Variants in SYNPR observed in about 807,000 individuals in gnomAD.
SYNPR encodes the protein synaptoporin.
Under a neutral mutation model 32.9 loss-of-function variants are expected in SYNPR, and 23 were observed. That is an observed-to-expected ratio of 0.70 (90% CI 0.50 to 0.99). SYNPR has a LOEUF of 0.99. SYNPR is among the 50% of genes least tolerant of loss of function. The pLI, the probability that SYNPR is intolerant of heterozygous loss-of-function variation, is 0.00. For missense variants in SYNPR, 318 were observed against 349.3 expected (o/e 0.91, Z 0.71); for synonymous variants, 146 against 135.9 (o/e 1.07, Z -0.52).
At chr3:63,204,110 T>C in the SYNPR span, among the ~76,000 whole-genome samples, 13 of 152,178 alleles carry the variant, frequency 8.5e-5, no homozygotes, top group African/African-American at 2.7e-4. Context: ...CTCTCCAACC[T>C]GGTTTAACAT....
chr3:63,203,768 G>T, the SYNPR span, among the ~76,000 whole-genome samples: 2 of 152,236 alleles, frequency 1.3e-5, no homozygotes, highest in East Asian at 3.9e-4. Flanking sequence ...AGGCCAAGGT[G>T]GGCGGATCAC....
At chr3:63,264,616 T>TG (rs1317553849) in intron 2 of SYNPR, among the ~76,000 whole-genome samples, 6 of 152,182 alleles carry the variant, frequency 3.9e-5, no homozygotes, top group African/African-American at 1.2e-4. Context: ...GTGAAGTAAG[T>TG]GGTAGCCTGA....
At chr3:63,346,159 T>C (rs569039729) in intron 2 of SYNPR, among the ~76,000 whole-genome samples, 1 of 152,314 alleles carries the variant, frequency 6.6e-6, no homozygotes, top group African/African-American at 2.4e-5. Context: ...ATTTTGTTTT[T>C]ATCATTAGAG....
At chr3:63,311,134 T>G (rs2086959402) in intron 2 of SYNPR, among the ~76,000 whole-genome samples, 1 of 152,002 alleles carries the variant, frequency 6.6e-6, no homozygotes, top group African/African-American at 2.4e-5. Flanking sequence ...AATAATCTAT[T>G]TGCTTTCTGG....
chr3:63,492,004 C>T (rs1300854218), intron 3 of SYNPR, among the ~76,000 whole-genome samples: 7 of 152,006 alleles, frequency 4.6e-5, no homozygotes, highest in Non-Finnish European at 1.0e-4. Flanking sequence ...CAAGGTGGAA[C>T]CTGTCTATCA....
At chr3:63,306,870 T>G (rs1027198792) in intron 2 of SYNPR, among the ~76,000 whole-genome samples, 10 of 152,006 alleles carry the variant, frequency 6.6e-5, no homozygotes, top group African/African-American at 2.4e-4. Flanking sequence ...GCTTTGCCTT[T>G]TTTTTCAACT....
intron 2 of SYNPR, among the ~76,000 whole-genome samples, chr3:63,328,992 C>A (rs1436409673): frequency 6.6e-6 from 1 of 152,058 alleles, no homozygotes; most frequent in Non-Finnish European, 1.5e-5. Flanking sequence ...TCAAATCTAG[C>A]CTGAGAGTTA....
chr3:63,229,526 T>A (rs1465767599), intron 1 of SYNPR, among the ~76,000 whole-genome samples: 1 of 152,166 alleles, frequency 6.6e-6, no homozygotes, highest in Non-Finnish European at 1.5e-5. Flanking sequence ...TTTTGCAATG[T>A]ACACAGTTGC....
At chr3:63,504,190 G>A (rs1362919214) in intron 3 of SYNPR, among the ~76,000 whole-genome samples, 4 of 152,044 alleles carry the variant, frequency 2.6e-5, no homozygotes, top group African/African-American at 9.7e-5. Context: ...GCATCCACAT[G>A]TAGGTCTGAC....
intron 2 of SYNPR, among the ~76,000 whole-genome samples, chr3:63,457,971 C>T (rs965873455): frequency 2.0e-5 from 3 of 152,210 alleles, no homozygotes; most frequent in Non-Finnish European, 2.9e-5. Flanking sequence ...TAACCCTCTT[C>T]TTTTGAATTA....
At chr3:63,493,837 A>AAAAT (rs1701304569) in intron 3 of SYNPR, among the ~76,000 whole-genome samples, 1 of 150,526 alleles carries the variant, frequency 6.6e-6, no homozygotes, top group African/African-American at 2.4e-5. Context: ...AAAAAAAAAA[A>AAAAT]TGGAGATTCC....
At chr3:63,261,006 C>T (rs567642664) in intron 2 of SYNPR, among the ~76,000 whole-genome samples, 25 of 152,252 alleles carry the variant, frequency 1.6e-4, no homozygotes, top group African/African-American at 5.8e-4. Context: ...CAAATCAAAA[C>T]CACAATGAGA....
chr3:63,360,233 T>G (rs2087638307), intron 2 of SYNPR, among the ~76,000 whole-genome samples: 1 of 152,178 alleles, frequency 6.6e-6, no homozygotes, highest in Non-Finnish European at 1.5e-5. Flanking sequence ...TTCACTCTCT[T>G]TTTCTCACAC....
At chr3:63,354,336 G>C (rs1039061916) in intron 2 of SYNPR, among the ~76,000 whole-genome samples, 1 of 152,160 alleles carries the variant, frequency 6.6e-6, no homozygotes, top group Non-Finnish European at 1.5e-5. Context: ...CAGTGGATCC[G>C]TCCACATCAT....
intron 3 of SYNPR, among the ~76,000 whole-genome samples, chr3:63,494,468 C>CACGTATATAT (rs1559516444): frequency 2.8e-4 from 24 of 84,732 alleles, no homozygotes; most frequent in African/African-American, 1.2e-3. Context: ...TACATATATA[C>CACGTATATAT]ACATATATAC....
At chr3:63,512,039 GAC>G (rs550656243) in intron 3 of SYNPR, among the ~76,000 whole-genome samples, 29 of 152,112 alleles carry the variant, frequency 1.9e-4, no homozygotes, top group African/African-American at 6.5e-4. Context: ...TACTGACACA[GAC>G]ACACATACAC....
At chr3:63,312,204 T>C (rs971410230) in intron 2 of SYNPR, among the ~76,000 whole-genome samples, 15 of 152,228 alleles carry the variant, frequency 9.9e-5, no homozygotes, top group African/African-American at 3.6e-4. Flanking sequence ...TGACATGTTG[T>C]TGAATTTTCT....
At chr3:63,350,991 C>A (rs1245773189) in intron 2 of SYNPR, among the ~76,000 whole-genome samples, 1 of 152,168 alleles carries the variant, frequency 6.6e-6, no homozygotes, top group Admixed American at 6.5e-5. Context: ...AGGTCATATC[C>A]TCACTCTCTT....
chr3:63,451,279 T>A (rs1036042985), intron 2 of SYNPR, among the ~76,000 whole-genome samples: 2 of 152,156 alleles, frequency 1.3e-5, no homozygotes, highest in Non-Finnish European at 2.9e-5. Context: ...ATGCCCTCGA[T>A]GAGTGCTTGA....
Sources: allele counts gnomAD v4.1 joint callset (sites outside exome capture counted in the v4.1 genomes callset), GRCh38; gene constraint gnomAD v4.1.1; transcripts MANE v1.5; gene names NCBI Gene and HGNC (gene_info 2026-07-23, HGNC 2026-07-21).